DYNC1I1: variants seen among roughly 807,000 people sequenced by gnomAD.
The protein encoded by DYNC1I1 is cytoplasmic dynein 1 intermediate chain 1.
DYNC1I1 carries 43 observed loss-of-function variants against 86.6 expected under a neutral mutation model. The observed-to-expected ratio is 0.50, with a 90% CI of 0.39 to 0.64. The LOEUF (loss-of-function observed/expected upper bound fraction) is 0.64. Among genes scored for constraint, DYNC1I1 ranks in the 30% least tolerant of loss-of-function variants. The pLI, the probability that DYNC1I1 is intolerant of heterozygous loss-of-function variation, is 0.00. For synonymous variants in DYNC1I1, 262 were observed against 283.7 expected (o/e 0.92, Z 0.77); for missense variants, 604 against 788.8 (o/e 0.77, Z 2.81).
At chr7:96,058,696 G>A (rs1789658725) in intron 14 of DYNC1I1, among the ~76,000 whole-genome samples, 1 of 151,948 alleles carries the variant, frequency 6.6e-6, no homozygotes, top group South Asian at 2.1e-4. Context: ...GTGCAGCAGT[G>A]CGATCTCAGC....
At chr7:96,061,653 G>GTC (rs35374035) in intron 14 of DYNC1I1, among the ~76,000 whole-genome samples, 12 of 146,428 alleles carry the variant, frequency 8.2e-5, no homozygotes, top group East Asian at 6.1e-4. Flanking sequence ...TGGAAAAAGA[G>GTC]TCTCTCTCTC....
chr7:95,825,818 T>C (rs1380954548), intron 4 of DYNC1I1, among the ~76,000 whole-genome samples: 1 of 152,172 alleles, frequency 6.6e-6, no homozygotes, highest in East Asian at 1.9e-4. Flanking sequence ...CTGAAAGCAA[T>C]AGTCTAGCTC....
chr7:95,940,381 C>A (rs1255382792), intron 6 of DYNC1I1, among the ~76,000 whole-genome samples: 1 of 152,122 alleles, frequency 6.6e-6, no homozygotes, highest in African/African-American at 2.4e-5. Context: ...TGGATAATAT[C>A]CTGCAGAGTG....
rs1795168654 is a variant in DYNC1I1 at position 95,824,796 on chromosome 7, C to T, written c.315-3261C>T. ...GCAACCCGGGGCCAGGAGTGCTCCT[C>T]TCTAAGATACTGCCATCTGCGGGGA... is the stretch of plus-strand genomic sequence containing the variant. On this transcript the variant is annotated intron_variant, in intron 4 of 16. Transcript: ENST00000447467. 2.6e-5 allele frequency among the ~76,000 whole-genome samples: 4 copies of T among 152,322 alleles called. 1 individual carries two copies. The South Asian group carries it at 8.3e-4, about 32-fold the overall frequency.
At chr7:95,881,583 A>G (rs931611640) in intron 6 of DYNC1I1, among the ~76,000 whole-genome samples, 2 of 152,234 alleles carry the variant, frequency 1.3e-5, no homozygotes, top group African/African-American at 4.8e-5. Flanking sequence ...TCAATAGCTC[A>G]AAACTTGTAG....
At chr7:95,987,444 A>C (rs1793624185) in intron 9 of DYNC1I1, among the ~76,000 whole-genome samples, 1 of 152,194 alleles carries the variant, frequency 6.6e-6, no homozygotes, top group Non-Finnish European at 1.5e-5. Context: ...GGATATTTTT[A>C]ATCCCACATC....
At chr7:95,946,520 T>C (rs1039242713) in intron 6 of DYNC1I1, among the ~76,000 whole-genome samples, 1 of 152,144 alleles carries the variant, frequency 6.6e-6, no homozygotes, top group Admixed American at 6.5e-5. Context: ...GAAAGAGGTG[T>C]GATTCTTTTC....
chr7:95,861,526 C>G (rs1789877955), intron 5 of DYNC1I1, among the ~76,000 whole-genome samples: 1 of 152,168 alleles, frequency 6.6e-6, no homozygotes, highest in African/African-American at 2.4e-5. Flanking sequence ...TGGCAGCCAT[C>G]TTACCTAGAA....
chr7:95,977,200 C>T (rs559797744), intron 6 of DYNC1I1, among the ~76,000 whole-genome samples: 4 of 152,288 alleles, frequency 2.6e-5, no homozygotes, highest in Admixed American at 6.5e-5. Flanking sequence ...GGGCCATCTT[C>T]GAAGAAGCTT....
chr7:95,964,477 G>T (rs1156586786), intron 6 of DYNC1I1, among the ~76,000 whole-genome samples: 2 of 152,098 alleles, frequency 1.3e-5, no homozygotes, highest in Non-Finnish European at 2.9e-5. Context: ...ATTCTCCTGT[G>T]CAGTCATGTT....
At chr7:95,892,060 C>G (rs1479889136) in intron 6 of DYNC1I1, among the ~76,000 whole-genome samples, 1 of 152,048 alleles carries the variant, frequency 6.6e-6, no homozygotes, top group Non-Finnish European at 1.5e-5. Context: ...CTCTGCCTCC[C>G]AGGTTTAAGT....
intron 10 of DYNC1I1, among the ~76,000 whole-genome samples, chr7:96,003,226 G>A (rs1005070443): frequency 3.3e-5 from 5 of 152,162 alleles, no homozygotes; most frequent in East Asian, 1.9e-4. Context: ...TGCCACTTGC[G>A]AGGTACAGAT....
In DYNC1I1 at chr7:95,950,542, A is replaced by G. The variant is rs750686661; in HGVS notation, c.491-26970A>G. On this transcript the variant is annotated intron_variant, in intron 6 of 16. Coordinates refer to ENST00000447467, the MANE Select transcript of DYNC1I1 (RefSeq NM_001135556.2). ...AAGTCTTTTATAAAGAAGAAGTTAT[A>G]TTGCCAGAAAGGCAATGAATGAATC... Among the ~76,000 whole-genome samples, 38 of 152,236 alleles carry G rather than the reference A, an allele frequency of 2.5e-4. 1 individual carries two copies. Among genetic ancestry groups the G allele is most frequent in the Admixed American group, 6.5e-4 (10 of 15,280 alleles).
chr7:96,085,052 T>C (rs1005367230), intron 16 of DYNC1I1, among the ~76,000 whole-genome samples: 30 of 152,270 alleles, frequency 2.0e-4, no homozygotes, highest in African/African-American at 7.0e-4. Context: ...TGCCTTCCTG[T>C]GAGCCCTGGC....
chr7:95,784,157 C>T (rs1794067588), intron 1 of DYNC1I1, among the ~76,000 whole-genome samples: 1 of 152,064 alleles, frequency 6.6e-6, no homozygotes, highest in Non-Finnish European at 1.5e-5. Flanking sequence ...AGTATTTTCC[C>T]TGGTCTAGAG....
intron 8 of DYNC1I1, among the ~76,000 whole-genome samples, chr7:95,985,616 A>C (rs1793570377): frequency 6.6e-6 from 1 of 152,210 alleles, no homozygotes; most frequent in Admixed American, 6.5e-5. Flanking sequence ...AGGAGGGACT[A>C]TATGAGCCTT....
chr7:95,841,501 T>A (rs1354684068), intron 5 of DYNC1I1, among the ~76,000 whole-genome samples: 1 of 152,174 alleles, frequency 6.6e-6, no homozygotes, highest in Non-Finnish European at 1.5e-5. Flanking sequence ...ACTGCTTTGT[T>A]CTCTGGAGAC....
intron 5 of DYNC1I1, among the ~76,000 whole-genome samples, chr7:95,848,014 T>C (rs1273506473): frequency 6.6e-6 from 1 of 152,194 alleles, no homozygotes; most frequent in East Asian, 1.9e-4. Context: ...AAATTGTATG[T>C]ATTTACCATC....
chr7:95,974,931 C>G (rs1379956776), intron 6 of DYNC1I1, among the ~76,000 whole-genome samples: 1 of 152,118 alleles, frequency 6.6e-6, no homozygotes, highest in Non-Finnish European at 1.5e-5. Flanking sequence ...AGTCCTTTCT[C>G]CATGGCATTT....
Sources: allele counts gnomAD v4.1 joint callset (sites outside exome capture counted in the v4.1 genomes callset), GRCh38; gene constraint gnomAD v4.1.1; transcripts MANE v1.5; gene names NCBI Gene and HGNC (gene_info 2026-07-23, HGNC 2026-07-21).